PDS5A: variants seen among roughly 807,000 people sequenced by gnomAD.
The protein encoded by PDS5A is sister chromatid cohesion protein PDS5 homolog A.
In PDS5A, 42 loss-of-function variants were observed where a neutral mutation model predicts 167.1. That is an observed-to-expected ratio of 0.25 (90% CI 0.20 to 0.33). PDS5A has a LOEUF of 0.33. Among genes scored for constraint, PDS5A ranks in the 10% least tolerant of loss-of-function variants. The pLI is 1.00. For synonymous variants in PDS5A, 553 were observed against 554.6 expected (o/e 1.00, Z 0.04); for missense variants, 1,033 against 1,605.9 (o/e 0.64, Z 6.10).
At chr4:39,931,325 T>A (rs182228035) in intron 2 of PDS5A, among the ~76,000 whole-genome samples, 59 of 152,258 alleles carry the variant, frequency 3.9e-4, no homozygotes, top group East Asian at 7.7e-4. Context: ...AAATTTTTTT[T>A]AATTATTGCT....
intron 26 of PDS5A, among the ~76,000 whole-genome samples, chr4:39,851,717 A>T (rs755999308): frequency 5.3e-5 from 8 of 152,194 alleles, no homozygotes; most frequent in Non-Finnish European, 8.8e-5. Flanking sequence ...TATAATAAAC[A>T]TTATCTGAGC....
chr4:39,956,019 G>A (rs1193311227), intron 2 of PDS5A, among the ~76,000 whole-genome samples: 1 of 151,880 alleles, frequency 6.6e-6, no homozygotes, highest in Non-Finnish European at 1.5e-5. Context: ...TCGGGAGGCT[G>A]ACGTGGGAGG....
At chr4:39,946,616 C>T (rs1727796121) in intron 2 of PDS5A, among the ~76,000 whole-genome samples, 1 of 152,042 alleles carries the variant, frequency 6.6e-6, no homozygotes, top group Non-Finnish European at 1.5e-5. Context: ...AATTACCTTA[C>T]AGAAATAAAA....
At chr4:39,947,404 C>T (rs1727880687) in intron 2 of PDS5A, among the ~76,000 whole-genome samples, 1 of 151,714 alleles carries the variant, frequency 6.6e-6, no homozygotes, top group South Asian at 2.1e-4. Flanking sequence ...GAGCCAAGAT[C>T]ATGCCACTGC....
chr4:39,909,040 A>AAAAATAAAATAAAATAAAATAAAAT (rs59403675), intron 10 of PDS5A, among the ~76,000 whole-genome samples: 8,127 of 125,938 alleles, frequency 0.065, 461 homozygotes, highest in Non-Finnish European at 0.092. Flanking sequence ...CCCTGTATCA[A>AAAAATAAAATAAAATAAAATAAAAT]AAAATAAAAT....
At position 39,825,073 on chromosome 4, in the gene PDS5A, T is replaced by C. The variant is rs771932432; in HGVS notation, c.*412A>G. On this transcript the variant is annotated 3_prime_UTR_variant, in exon 33 of 33. Transcript: ENST00000303538. ...AACATGGGAATTCCTGGCTCTAAAA[T>C]GGATGAATTTTCAGTGTCAGTGTAA... 6 of 160,074 alleles carry C rather than the reference T, an allele frequency of 3.7e-5. No individual in the cohort carries two copies. Among genetic ancestry groups the C allele is most frequent in the Non-Finnish European group, 8.2e-5 (6 of 73,372 alleles). 9.9% of individuals were successfully genotyped at this position (160,074 alleles called of 1,614,324 possible). A position where few individuals can be genotyped will look rare whatever the true frequency, so the allele number is the denominator to read the frequency against.
In PDS5A at chr4:39,925,624, C is replaced by T. The variant is rs1578755446; in HGVS notation, c.527+212G>A. ...CAGCCTGGGCGACTGAAGAGCCAAC[C>T]AGTAAATTGGTACCATAATTTAAAA... On this transcript the variant is annotated intron_variant, in intron 5 of 32. Transcript: ENST00000303538. Among the ~76,000 whole-genome samples the T allele has an allele frequency of 2.6e-5, 4 of 152,246 alleles. No homozygotes were observed. The South Asian group carries it at 8.3e-4, about 32-fold the overall frequency.
intron 2 of PDS5A, among the ~76,000 whole-genome samples, chr4:39,944,400 G>A (rs1262366412): frequency 6.6e-6 from 1 of 151,924 alleles, no homozygotes. Flanking sequence ...TGGCCTTAAA[G>A]GCTGAGAGTG....
chr4:39,954,201 G>A (rs1462047394), intron 2 of PDS5A, among the ~76,000 whole-genome samples: 2 of 151,250 alleles, frequency 1.3e-5, no homozygotes, highest in Non-Finnish European at 3.0e-5. Context: ...CAAACAAACA[G>A]AAAAAGAAAT....
At chr4:39,845,761 T>G in intron 29 of PDS5A, 57 bp downstream of exon 29, 1 of 1,351,024 alleles carries the variant, frequency 7.4e-7, no homozygotes, top group Non-Finnish European at 9.6e-7. Context: ...TTTCTAGGAA[T>G]AGCAGAAGCA....
chr4:39,869,769 A>G (rs1719860885), intron 21 of PDS5A, among the ~76,000 whole-genome samples: 1 of 152,210 alleles, frequency 6.6e-6, no homozygotes, highest in Admixed American at 6.5e-5. Context: ...TGCCAAGACC[A>G]TCTTTAGTGA....
intron 2 of PDS5A, 108 bp downstream of exon 2, chr4:39,976,331 TA>T: frequency 1.3e-6 from 1 of 782,454 alleles, no homozygotes. Flanking sequence ...TCAGAGGGGG[TA>T]AGAGATCTAA....
intron 2 of PDS5A, among the ~76,000 whole-genome samples, chr4:39,932,060 G>A (rs1726122608): frequency 1.3e-5 from 2 of 152,010 alleles, no homozygotes; most frequent in Non-Finnish European, 2.9e-5. Flanking sequence ...GTCTGGCTAA[G>A]TTTTGTATTT....
chr4:39,829,416 C>T (rs1449924623), intron 32 of PDS5A, among the ~76,000 whole-genome samples: 21 of 151,954 alleles, frequency 1.4e-4, no homozygotes, highest in Non-Finnish European at 2.6e-4. Context: ...TTTGGGAGGC[C>T]GAGGTGGGTG....
intron 2 of PDS5A, chr4:39,974,393 T>C (rs1210224130): frequency 1.9e-5 from 7 of 377,288 alleles, no homozygotes; most frequent in Non-Finnish European, 3.1e-5. Flanking sequence ...TTCAATATTC[T>C]TAATTTGAAA....
rs1346049091 is a variant in PDS5A at position 39,830,197 on chromosome 4, G to A, written c.4011-4709C>T. Among the ~76,000 whole-genome samples the A allele has an allele frequency of 3.9e-5, 6 of 151,968 alleles. No homozygotes were observed. In the East Asian group the frequency reaches 1.2e-3, roughly 30 times the overall value. On this transcript the variant is annotated intron_variant, in intron 32 of 32. Coordinates refer to ENST00000303538, the MANE Select transcript of PDS5A (RefSeq NM_001100399.2). ...ATCTGCTCATAAAACACTTCCTACT[G>A]TCACTACTAATACAGATGCCAGGCA...
At chr4:39,882,737 C>A (rs554200364) in intron 17 of PDS5A, among the ~76,000 whole-genome samples, 104 of 152,196 alleles carry the variant, frequency 6.8e-4, no homozygotes, top group African/African-American at 2.4e-3. Context: ...GAGCTATAAG[C>A]GAAAGAGCAA....
intron 2 of PDS5A, among the ~76,000 whole-genome samples, chr4:39,951,183 C>T (rs1188721160): frequency 6.6e-6 from 1 of 152,108 alleles, no homozygotes; most frequent in Non-Finnish European, 1.5e-5. Flanking sequence ...ATAAACCACT[C>T]CATCTGGCCT....
chr4:39,895,487 G>A (rs1338017494), intron 16 of PDS5A, among the ~76,000 whole-genome samples: 2 of 152,064 alleles, frequency 1.3e-5, no homozygotes, highest in East Asian at 1.9e-4. Context: ...CCTACATATA[G>A]AGCACTTACC....
Sources: gnomAD v4.1 joint callset for allele counts (sites outside exome capture counted in the v4.1 genomes callset) on GRCh38, gnomAD v4.1.1 for gene constraint, MANE v1.5 for transcripts, NCBI Gene and HGNC (gene_info 2026-07-23, HGNC 2026-07-21) for gene names.